The following FAM178B variants were observed in gnomAD, a reference collection of about 807,000 sequenced individuals.
FAM178B encodes the protein protein FAM178B.
Under a neutral mutation model 91.7 loss-of-function variants are expected in FAM178B, and 82 were observed. The observed-to-expected ratio is 0.89, with a 90% CI of 0.75 to 1.07. The LOEUF is 1.07. FAM178B is among the 50% of genes least tolerant of loss of function. The pLI is 0.00. For synonymous variants in FAM178B, 368 were observed against 359.4 expected (o/e 1.02, Z -0.27); for missense variants, 769 against 846.7 (o/e 0.91, Z 1.14).
At chr2:96,970,557 C>T (rs2082203776) in intron 4 of FAM178B, among the ~76,000 whole-genome samples, 159 bp downstream of exon 4, 2 of 152,128 alleles carry the variant, frequency 1.3e-5, no homozygotes, top group Non-Finnish European at 2.9e-5. Flanking sequence ...ATGCCACCCC[C>T]TGCCCTGGCG....
At chr2:96,907,341 C>T (rs1233780761) in intron 12 of FAM178B, among the ~76,000 whole-genome samples, 1 of 152,200 alleles carries the variant, frequency 6.6e-6, no homozygotes, top group Non-Finnish European at 1.5e-5. Context: ...CCCACCACCA[C>T]CCAGACTGTG....
intron 12 of FAM178B, among the ~76,000 whole-genome samples, chr2:96,905,846 ATATATATATATATATTTTTTTTTTTTT>A (rs2081035187): frequency 6.7e-4 from 18 of 26,922 alleles, no homozygotes; most frequent in African/African-American, 2.8e-3. Flanking sequence ...ATATATATAT[ATATATATATATATATTTTTTTTTTTTT>A]TTTTTTTTTT....
In FAM178B at chr2:96,967,545, C is replaced by T; in HGVS notation, c.709G>A (p.Glu237Lys). The change falls in exon 5 of 17, where the codon GAA becomes AAA. Residue 237 changes from glutamate to lysine, a missense_variant. Coordinates refer to ENST00000490605, the MANE Select transcript of FAM178B (RefSeq NM_001122646.3). Reference protein sequence around the residue: ...NLNSLDLDEEEVPLTPEHRML... With the variant: ...NLNSLDLDEEKVPLTPEHRML... ...CTGTGCTCGGGTGTGAGTGGCACTT[C>T]CTCTTCATCAAGATCCAAGGAGTTG... is the stretch of plus-strand genomic sequence containing the variant. The T allele has an allele frequency of 6.5e-7, 1 of 1,550,318 alleles. No homozygotes were observed. Among genetic ancestry groups the T allele is most frequent in the Non-Finnish European group, 8.7e-7 (1 of 1,146,638 alleles).
intron 10 of FAM178B, 34 bp downstream of exon 10, chr2:96,923,456 G>C (rs1049990962): frequency 4.9e-5 from 73 of 1,487,902 alleles, no homozygotes; most frequent in Non-Finnish European, 6.5e-5. Context: ...TGTAAGCCGA[G>C]AGTGCCCTGC....
At chr2:96,941,333 C>T (rs1401872799) in intron 8 of FAM178B, among the ~76,000 whole-genome samples, 1 of 152,136 alleles carries the variant, frequency 6.6e-6, no homozygotes, top group Non-Finnish European at 1.5e-5. Flanking sequence ...ATCTTGTTTC[C>T]ATTTTATTCC....
intron 8 of FAM178B, among the ~76,000 whole-genome samples, chr2:96,936,487 A>C (rs1050395858): frequency 6.8e-6 from 1 of 146,956 alleles, no homozygotes; most frequent in African/African-American, 2.5e-5. Flanking sequence ...GGCGTGAGCC[A>C]CCACGCCCGG....
At chr2:96,945,506 GT>G (rs1468504728) in intron 8 of FAM178B, among the ~76,000 whole-genome samples, 1 of 152,106 alleles carries the variant, frequency 6.6e-6, no homozygotes, top group Non-Finnish European at 1.5e-5. Context: ...CAAATCTCCT[GT>G]TTACATATGA....
intron 7 of FAM178B, among the ~76,000 whole-genome samples, chr2:96,948,136 GGCCCAGACACCCAGGTCTGT>G (rs1237505765): frequency 6.6e-6 from 1 of 152,226 alleles, no homozygotes; most frequent in East Asian, 1.9e-4. Context: ...CCAGCACTCA[GGCCCAGACACCCAGGTCTGT>G]GCCACTTGAA....
chr2:96,947,946 G>A, intron 7 of FAM178B, 44 bp from the exon 8 acceptor site: 1 of 1,065,282 alleles, frequency 9.4e-7, no homozygotes, highest in East Asian at 2.6e-5. Flanking sequence ...GGTGAGCTGG[G>A]TCATTCCTAA....
chr2:96,972,336 A>G lies in FAM178B; in HGVS notation c.143-14T>C. ...CAGCCTGCACCCCTGCAGACAGGAC[A>G]GAATACTGTGGTCCCTCTGCCCACC... On this transcript the variant is annotated splice_polypyrimidine_tract_variant and intron_variant, in intron 2 of 16. Coordinates refer to ENST00000490605, the MANE Select transcript of FAM178B (RefSeq NM_001122646.3). 2 of 1,467,736 alleles carry G rather than the reference A, an allele frequency of 1.4e-6. No individual in the cohort carries two copies. The highest frequency in any genetic ancestry group is 1.8e-6 in the Non-Finnish European group (2 of 1,106,796). 90.9% of individuals were successfully genotyped at this position (1,467,736 alleles called of 1,614,324 possible). A position where few individuals can be genotyped will look rare whatever the true frequency, so the allele number is the denominator to read the frequency against.
intron 9 of FAM178B, among the ~76,000 whole-genome samples, chr2:96,927,153 C>G (rs980359541): frequency 6.6e-6 from 1 of 152,200 alleles, no homozygotes; most frequent in African/African-American, 2.4e-5. Context: ...CTCCTTGATG[C>G]TTCCCGAATA....
At chr2:96,963,438 A>G (rs1159563248) in intron 5 of FAM178B, among the ~76,000 whole-genome samples, 1 of 152,140 alleles carries the variant, frequency 6.6e-6, no homozygotes, top group Non-Finnish European at 1.5e-5. Context: ...ATGCCCCACC[A>G]TGCCCATCCA....
At chr2:96,905,921 G>T (rs2081046497) in intron 12 of FAM178B, among the ~76,000 whole-genome samples, 1 of 123,722 alleles carries the variant, frequency 8.1e-6, no homozygotes, top group Non-Finnish European at 1.6e-5. Context: ...GCCCAGACTG[G>T]CATGCAATGG....
At chr2:96,883,132 C>G (rs1387683960) in intron 14 of FAM178B, among the ~76,000 whole-genome samples, 1 of 152,206 alleles carries the variant, frequency 6.6e-6, no homozygotes, top group African/African-American at 2.4e-5. Context: ...TGAGTGACAG[C>G]AGACAGCAGA....
intron 14 of FAM178B, 48 bp from the exon 15 acceptor site, chr2:96,878,541 C>CGTGCTAGTCAGTTGCCAA: frequency 6.3e-7 from 1 of 1,580,838 alleles, no homozygotes; most frequent in Non-Finnish European, 8.7e-7. Flanking sequence ...CCACCCAGGG[C>CGTGCTAGTCAGTTGCCAA]AGCATGGCGT....
At chr2:96,918,035 T>C (rs998459240) in intron 12 of FAM178B, among the ~76,000 whole-genome samples, 1 of 152,110 alleles carries the variant, frequency 6.6e-6, no homozygotes. Context: ...ACTATCTTTA[T>C]GGTCTTGGTG....
At chr2:96,887,150 G>A (rs2080545193) in intron 14 of FAM178B, among the ~76,000 whole-genome samples, 1 of 152,146 alleles carries the variant, frequency 6.6e-6, no homozygotes, top group Admixed American at 6.6e-5. Context: ...AGGAGGCGGA[G>A]CTTGTAGTGA....
chr2:96,921,750 A>G, intron 10 of FAM178B, 96 bp from the exon 11 acceptor site: 1 of 1,286,976 alleles, frequency 7.8e-7, no homozygotes, highest in Non-Finnish European at 1.1e-6. Context: ...GGCAGAAGGG[A>G]TGGTACTGTG....
In FAM178B at chr2:96,877,956, C is replaced by T. The variant is rs755873759; in HGVS notation, c.1941G>A (p.Met647Ile). The T allele has an allele frequency of 8.1e-6, 13 of 1,613,734 alleles. No homozygotes were observed. Among genetic ancestry groups the T allele is most frequent in the Non-Finnish European group, 9.3e-6 (11 of 1,180,026 alleles). ...AGGTCTGGGTAGCCAGGTCCTTGAG[C>T]ATGGTGCGGTGCATGGCCTGGGGGC... is the stretch of plus-strand genomic sequence containing the variant. ...RESPQAMHRT[M>I]LKDLATQTYI... is the part of the protein sequence containing the mutation. The change falls in exon 16 of 17, where the codon ATG becomes ATA. Residue 647 changes from methionine to isoleucine, a missense_variant. Coordinates refer to ENST00000490605, the MANE Select transcript of FAM178B (RefSeq NM_001122646.3).
Sources: allele counts gnomAD v4.1 joint callset (sites outside exome capture counted in the v4.1 genomes callset), GRCh38; gene constraint gnomAD v4.1.1; transcripts MANE v1.5; gene names NCBI Gene and HGNC (gene_info 2026-07-23, HGNC 2026-07-21).